The following SLC25A15 variants were observed in gnomAD, a reference collection of about 807,000 sequenced individuals.
SLC25A15 encodes the protein solute carrier family 25 member 15.
Under a neutral mutation model 32.3 loss-of-function variants are expected in SLC25A15, and 24 were observed. The observed-to-expected ratio is 0.74, with a 90% CI of 0.54 to 1.04. SLC25A15 has a LOEUF of 1.04. Among genes scored for constraint, SLC25A15 ranks in the 50% least tolerant of loss-of-function variants. SLC25A15 has a pLI of 0.00. For missense variants in SLC25A15, 317 were observed against 374.5 expected (o/e 0.85, Z 1.27); for synonymous variants, 132 against 142.1 (o/e 0.93, Z 0.51).
chr13:40,804,367 C>A (rs1001546589), intron 3 of SLC25A15, among the ~76,000 whole-genome samples: 5 of 152,100 alleles, frequency 3.3e-5, no homozygotes, highest in Non-Finnish European at 5.9e-5. Flanking sequence ...ATGGTTGTTG[C>A]AGTCAGGAAG....
rs148283878 is a variant in SLC25A15, at chr13:40,800,173, C to T, written c.314+858C>T. 1.4e-3 allele frequency among the ~76,000 whole-genome samples: 214 copies of T among 152,308 alleles called. 2 individuals carry two copies. Among genetic ancestry groups the T allele is most frequent in the African/African-American group, 4.8e-3 (199 of 41,558 alleles). ...GCTGCAGGTCCCACACAACTGAATT[C>T]GGTTTCTTGTGCACAGCACTGTTCT... On this transcript the variant is annotated intron_variant, in intron 3 of 6. Coordinates refer to ENST00000338625, the MANE Select transcript of SLC25A15 (RefSeq NM_014252.4).
intron 1 of SLC25A15, among the ~76,000 whole-genome samples, chr13:40,792,250 T>A (rs986786509): frequency 6.6e-6 from 1 of 152,202 alleles, no homozygotes; most frequent in African/African-American, 2.4e-5. Flanking sequence ...ATTTAATAAG[T>A]GCTCCAGGTT....
intron 3 of SLC25A15, among the ~76,000 whole-genome samples, chr13:40,803,738 C>T (rs9549292): frequency 0.45 from 68,125 of 152,078 alleles, 15,427 homozygotes; most frequent in Admixed American, 0.52. Context: ...TGGTAGGTCA[C>T]CAGTTGAACT....
rs139805859 is a variant in SLC25A15 at position 40,790,610 on chromosome 13, G to A, written c.-70+947G>A. 8.1e-3 allele frequency among the ~76,000 whole-genome samples: 1,225 copies of A among 152,132 alleles called. 16 individuals carry two copies. Among genetic ancestry groups the A allele is most frequent in the African/African-American group, 0.028 (1,180 of 41,508 alleles). ...ATTTGTTTGTTTATTTTTTTGAGAC[G>A]GAGTTTCGCTCTTGTTGCCCAGGCT... is the stretch of plus-strand genomic sequence containing the variant. On this transcript the variant is annotated intron_variant, in intron 1 of 6. Coordinates refer to ENST00000338625, the MANE Select transcript of SLC25A15 (RefSeq NM_014252.4).
Position 40,809,607 on chromosome 13 carries a change from A to G in SLC25A15, c.846A>G (p.Ala282=), listed in dbSNP as rs751245001. The G allele has an allele frequency of 3.7e-5, 59 of 1,611,590 alleles. No homozygotes were observed. The highest frequency in any genetic ancestry group is 4.7e-5 in the Non-Finnish European group (55 of 1,179,642). ...TTCGAGCATTCCCTGCCAATGGAGC[A>G]CTCTTTTTGGCCTACGAATATAGCA... is the stretch of plus-strand genomic sequence containing the variant. The part of the protein sequence containing the change: ...TMIRAFPANG[A]LFLAYEYSRK... Residue 282 remains alanine (A), a synonymous_variant, in exon 7 of 7, where the codon GCA becomes GCG. Transcript: ENST00000338625.
rs928982557 is a variant in SLC25A15, at chr13:40,809,864, A to G, written c.*197A>G. 2.8e-5 allele frequency: 17 copies of G among 603,558 alleles called. No individual in the cohort carries two copies. Among genetic ancestry groups the G allele is most frequent in the African/African-American group, 2.2e-4 (12 of 53,876 alleles). 37.4% of individuals were successfully genotyped at this position (603,558 alleles called of 1,614,324 possible). ...TCATATCATTTCTGTCCATAATTGT[A>G]CTGAAATAGAAAAGTGACCGCTCTT... On this transcript the variant is annotated 3_prime_UTR_variant, in exon 7 of 7. Coordinates refer to ENST00000338625, the MANE Select transcript of SLC25A15 (RefSeq NM_014252.4).
Position 40,809,538 on chromosome 13 carries a change from G to A in SLC25A15, c.782-5G>A. On this transcript the variant is annotated splice_region_variant and splice_polypyrimidine_tract_variant and intron_variant, in intron 6 of 6. Coordinates refer to ENST00000338625, the MANE Select transcript of SLC25A15 (RefSeq NM_014252.4). Reference sequence around the variant, plus strand: ...GCAGTCTTTGACCGCCCTTTTATTTGCTAGGAATAACGGCCTTATATTCTG... The same window carrying A: ...GCAGTCTTTGACCGCCCTTTTATTTACTAGGAATAACGGCCTTATATTCTG... 1 of 1,611,990 alleles carries A rather than the reference G, an allele frequency of 6.2e-7. No homozygotes were observed. The highest frequency in any genetic ancestry group is 8.5e-7 in the Non-Finnish European group (1 of 1,179,830).
At chr13:40,799,512 T>A (rs1881801390) in intron 3 of SLC25A15, among the ~76,000 whole-genome samples, 197 bp downstream of exon 3, 1 of 151,640 alleles carries the variant, frequency 6.6e-6, no homozygotes, top group African/African-American at 2.4e-5. Context: ...TTAAAAAAAA[T>A]CTACTGTTGT....
chr13:40,797,125 G>A (rs1000983186), intron 2 of SLC25A15, among the ~76,000 whole-genome samples: 1 of 152,132 alleles, frequency 6.6e-6, no homozygotes, highest in Non-Finnish European at 1.5e-5. Context: ...CACAGTGAGC[G>A]CCGTGACCAT....
At chr13:40,791,806 G>A (rs1881514767) in intron 1 of SLC25A15, among the ~76,000 whole-genome samples, 1 of 152,158 alleles carries the variant, frequency 6.6e-6, no homozygotes, top group Admixed American at 6.5e-5. Context: ...ATGTGCCGTT[G>A]TTGCCACTGG....
chr13:40,792,186 C>T (rs921381874), intron 1 of SLC25A15, among the ~76,000 whole-genome samples: 1 of 152,182 alleles, frequency 6.6e-6, no homozygotes, highest in Non-Finnish European at 1.5e-5. Flanking sequence ...CCCAAGGCTC[C>T]AACCAAAACA....
chr13:40,792,859 T>C (rs1361564157), intron 1 of SLC25A15, among the ~76,000 whole-genome samples: 2 of 152,250 alleles, frequency 1.3e-5, no homozygotes, highest in Non-Finnish European at 2.9e-5. Context: ...ACAAGTCTGA[T>C]GCGGTTTGGT....
chr13:40,804,240 T>C (rs1882042444), intron 3 of SLC25A15, among the ~76,000 whole-genome samples: 2 of 150,366 alleles, frequency 1.3e-5, no homozygotes, highest in African/African-American at 4.9e-5. Flanking sequence ...CCCATCACAA[T>C]GGCCCTATCC....
intron 3 of SLC25A15, among the ~76,000 whole-genome samples, chr13:40,802,512 G>A (rs1292480208): frequency 6.6e-6 from 1 of 151,730 alleles, no homozygotes; most frequent in Non-Finnish European, 1.5e-5. Flanking sequence ...GTGCCACCTT[G>A]ATTTTATACT....
At chr13:40,793,456 C>T (rs1459659370) in intron 2 of SLC25A15, among the ~76,000 whole-genome samples, 175 bp downstream of exon 2, 6 of 152,194 alleles carry the variant, frequency 3.9e-5, no homozygotes, top group Non-Finnish European at 8.8e-5. Context: ...ACAGTAACAT[C>T]CTGTACAGGT....
At chr13:40,799,391 C>T (rs1881796103) in intron 3 of SLC25A15, 76 bp downstream of exon 3, 1 of 1,586,722 alleles carries the variant, frequency 6.3e-7, no homozygotes, top group African/African-American at 1.3e-5. Flanking sequence ...TGGCTCATGC[C>T]TGTAATCCCA....
At chr13:40,795,704 G>T (rs1256296716) in intron 2 of SLC25A15, among the ~76,000 whole-genome samples, 2 of 152,138 alleles carry the variant, frequency 1.3e-5, no homozygotes, top group South Asian at 2.1e-4. Context: ...GGCAGAGGAG[G>T]TGCCTAGCAG....
rs761843636 is a variant in SLC25A15, at chr13:40,799,283, A to G, written c.282A>G (p.Lys94=). 1.4e-5 allele frequency: 22 copies of G among 1,614,080 alleles called. No homozygotes were observed. The Admixed American group carries it at 2.0e-4, about 15-fold the overall frequency. Residue 94 remains lysine (K), a synonymous_variant, in exon 3 of 7, where the codon AAA becomes AAG. Transcript: ENST00000338625. The part of the protein sequence containing the change: ...CYGFCQQVVR[K]VAGLDKQAKL... ...GCTTCTGCCAGCAGGTGGTGCGGAA[A>G]GTGGCTGGATTGGACAAGCAGGCAA...
rs9577152 is a variant in SLC25A15, at chr13:40,805,136, C to T, written c.333C>T (p.Ala111=). Residue 111 remains alanine, a synonymous_variant, in exon 4 of 7, where the codon GCC becomes GCT. Coordinates refer to ENST00000338625, the MANE Select transcript of SLC25A15 (RefSeq NM_014252.4). Reference sequence around the variant, plus strand: ...CTTTCAGTGATCTGCAGAATGCAGCCGCCGGTTCCTTCGCCTCTGCCTTTG... The same window carrying T: ...CTTTCAGTGATCTGCAGAATGCAGCTGCCGGTTCCTTCGCCTCTGCCTTTG... The part of the protein sequence containing the change: ...QAKLSDLQNA[A]AGSFASAFAA... 155,996 of 1,613,972 alleles carry T rather than the reference C, an allele frequency of 0.097. 8,387 individuals are homozygous for T. The highest frequency in any genetic ancestry group is 0.2 in the African/African-American group (15,042 of 74,988).
Sources: gnomAD v4.1 joint callset for allele counts (sites outside exome capture counted in the v4.1 genomes callset) on GRCh38, gnomAD v4.1.1 for gene constraint, MANE v1.5 for transcripts, NCBI Gene and HGNC (gene_info 2026-07-23, HGNC 2026-07-21) for gene names.